The following LINGO2 variants were observed in gnomAD, a reference collection of about 807,000 sequenced individuals.
The protein encoded by LINGO2 is leucine-rich repeat and immunoglobulin-like domain-containing nogo receptor-interacting protein 2.
LINGO2 carries 14 observed loss-of-function variants against 30.6 expected under a neutral mutation model. The ratio of observed to expected loss-of-function variants is 0.46; its 90% CI spans 0.30 to 0.72. LINGO2 has a LOEUF of 0.72. Among genes scored for constraint, LINGO2 ranks in the 30% least tolerant of loss-of-function variants. The pLI, the probability that LINGO2 is intolerant of heterozygous loss-of-function variation, is 0.07. For synonymous variants in LINGO2, 317 were observed against 288.5 expected, an observed-to-expected ratio of 1.10 and a Z score of -1.00; for missense variants, 729 against 751.7, an observed-to-expected ratio of 0.97 and a Z score of 0.35.
intron 5 of LINGO2, among the ~76,000 whole-genome samples, chr9:27,968,751 A>T (rs1820218695): frequency 6.6e-6 from 1 of 151,940 alleles, no homozygotes; most frequent in Admixed American, 6.6e-5. Flanking sequence ...CTATATCTTT[A>T]GTCAATTAAT....
the LINGO2 span, among the ~76,000 whole-genome samples, chr9:28,790,325 C>CTTTCT: frequency 8.5e-5 from 9 of 106,272 alleles, no homozygotes; most frequent in African/African-American, 3.5e-4. Context: ...TCTTTTCTTT[C>CTTTCT]TTTTTTTTTT....
chr9:28,206,624 T>G (rs1273912161), intron 4 of LINGO2, among the ~76,000 whole-genome samples: 2 of 152,218 alleles, frequency 1.3e-5, no homozygotes, highest in South Asian at 2.1e-4. Context: ...AGTTTACTTA[T>G]GTACTTAATA....
chr9:27,955,913 T>TCC (rs1464768242), intron 5 of LINGO2, among the ~76,000 whole-genome samples: 1 of 148,396 alleles, frequency 6.7e-6, no homozygotes, highest in African/African-American at 2.4e-5. Flanking sequence ...GTGTTCCATA[T>TCC]CCCCTTCGAC....
the LINGO2 span, among the ~76,000 whole-genome samples, chr9:29,136,596 T>G: frequency 6.6e-6 from 1 of 152,212 alleles, no homozygotes; most frequent in Non-Finnish European, 1.5e-5. Context: ...AGCACTTCTC[T>G]CTGCTAATTT....
intron 4 of LINGO2, among the ~76,000 whole-genome samples, chr9:28,224,900 A>G (rs1204921397): frequency 6.6e-6 from 1 of 152,158 alleles, no homozygotes; most frequent in Non-Finnish European, 1.5e-5. Flanking sequence ...TAGTACAAAA[A>G]CAGCAACATA....
At chr9:28,565,730 T>A (rs1823346035) in intron 1 of LINGO2, among the ~76,000 whole-genome samples, 1 of 149,610 alleles carries the variant, frequency 6.7e-6, no homozygotes, top group South Asian at 2.1e-4. Flanking sequence ...TTTTTTTGTA[T>A]TTTTTAGTAG....
At chr9:28,714,164 A>AATAT in the LINGO2 span, among the ~76,000 whole-genome samples, 12,133 of 116,852 alleles carry the variant, frequency 0.1, 910 homozygotes, top group South Asian at 0.13. Context: ...TGCCTCAAAT[A>AATAT]ATATATATAT....
At chr9:28,686,485 T>G in the LINGO2 span, among the ~76,000 whole-genome samples, 15,366 of 152,040 alleles carry the variant, frequency 0.1, 1,013 homozygotes, top group East Asian at 0.2. Flanking sequence ...AAGCACCAGG[T>G]GGAAAATTTG....
intron 5 of LINGO2, among the ~76,000 whole-genome samples, chr9:28,002,615 T>C: frequency 6.6e-6 from 1 of 152,194 alleles, no homozygotes. Context: ...GTGATGTTGC[T>C]ACTTAGTCTG....
the LINGO2 span, among the ~76,000 whole-genome samples, chr9:28,700,480 A>C: frequency 6.6e-6 from 1 of 152,058 alleles, no homozygotes; most frequent in East Asian, 1.9e-4. Flanking sequence ...TCTTTTTAGA[A>C]ATGAATAATA....
downstream of LINGO2, among the ~76,000 whole-genome samples, chr9:27,946,410 C>A (rs1254551901): frequency 6.6e-6 from 1 of 152,028 alleles, no homozygotes; most frequent in Admixed American, 6.6e-5. Flanking sequence ...GTAACAAAAT[C>A]TTTTAACTAA....
the LINGO2 span, among the ~76,000 whole-genome samples, chr9:28,959,738 T>C: frequency 1.3e-5 from 2 of 151,964 alleles, no homozygotes; most frequent in African/African-American, 4.8e-5. Context: ...TGTGACTGTT[T>C]ACAAATGGCT....
intron 4 of LINGO2, among the ~76,000 whole-genome samples, chr9:28,190,475 TC>T (rs1220395669): frequency 6.6e-6 from 1 of 152,088 alleles, no homozygotes; most frequent in East Asian, 1.9e-4. Context: ...TGTGATTATG[TC>T]CTGAGAGCAG....
chr9:28,639,227 G>A (rs562313905), intron 1 of LINGO2, among the ~76,000 whole-genome samples: 1 of 152,264 alleles, frequency 6.6e-6, no homozygotes, highest in African/African-American at 2.4e-5. Context: ...GCTGAGCAGT[G>A]CTTTACTTCC....
chr9:29,080,127 T>C, the LINGO2 span, among the ~76,000 whole-genome samples: 1 of 152,008 alleles, frequency 6.6e-6, no homozygotes. Context: ...TCAGACCCTG[T>C]TTTTGGTCTA....
chr9:28,108,802 T>G (rs1012640779), intron 4 of LINGO2, among the ~76,000 whole-genome samples: 1 of 152,138 alleles, frequency 6.6e-6, no homozygotes, highest in Non-Finnish European at 1.5e-5. Context: ...CCCTGAGAGA[T>G]AAATATTTTA....
chr9:28,248,701 G>T (rs963574448), intron 4 of LINGO2, among the ~76,000 whole-genome samples: 5 of 152,166 alleles, frequency 3.3e-5, no homozygotes, highest in Admixed American at 3.3e-4. Flanking sequence ...TGCATTGCAT[G>T]CCTGTACCAC....
chr9:28,165,740 T>G (rs922255504), intron 4 of LINGO2, among the ~76,000 whole-genome samples: 4 of 152,228 alleles, frequency 2.6e-5, no homozygotes, highest in Non-Finnish European at 5.9e-5. Context: ...TTTAGTTAGT[T>G]TCCCTTCTCA....
chr9:28,997,885 C>T, the LINGO2 span, among the ~76,000 whole-genome samples: 1 of 151,872 alleles, frequency 6.6e-6, no homozygotes, highest in Non-Finnish European at 1.5e-5. Context: ...TCACTTATGT[C>T]CTTTTATTTT....
Sources: allele counts gnomAD v4.1 joint callset (sites outside exome capture counted in the v4.1 genomes callset), GRCh38; gene constraint gnomAD v4.1.1; transcripts MANE v1.5; gene names NCBI Gene and HGNC (gene_info 2026-07-23, HGNC 2026-07-21).